OR10H5: variants seen among roughly 807,000 people sequenced by gnomAD.
OR10H5 encodes olfactory receptor 10H5.
OR10H5 carries 7 observed loss-of-function variants against 12.2 expected under a neutral mutation model. The observed-to-expected ratio is 0.57, with a 90% CI of 0.33 to 1.07. The LOEUF (loss-of-function observed/expected upper bound fraction) is 1.07, where lower values mean the gene tolerates loss of function less well. Among genes scored for constraint, OR10H5 ranks in the 50% least tolerant of loss-of-function variants. The probability of loss-of-function intolerance (pLI) is 0.04; values close to 1 mark genes in which losing one functional copy is unlikely to be tolerated. For missense variants in OR10H5, 346 were observed against 411.6 expected (o/e 0.84, Z 1.38); for synonymous variants, 159 against 175.1 (o/e 0.91, Z 0.73).
In OR10H5 at chr19:15,794,929, G is replaced by A. The variant is rs2088831896; in HGVS notation, c.881G>A (p.Arg294Lys). The part of the protein sequence containing the change: ...PFLSPIIFSL[R>K]NKELKVAMKK... ...CTCAGCCCCATCATCTTCAGCCTCA[G>A]GAACAAGGAGCTGAAGGTCGCCATG... is the stretch of plus-strand genomic sequence containing the variant. The change falls in exon 2 of 2, where the codon AGG becomes AAG. Residue 294 changes from arginine (R) to lysine (K), a missense_variant. Arg to Lys is a conservative substitution (Grantham distance 26, BLOSUM62 2). Coordinates refer to ENST00000642092, the MANE Select transcript of OR10H5 (RefSeq NM_001004466.2). 1 of 1,614,052 alleles carries A rather than the reference G, an allele frequency of 6.2e-7. No homozygotes were observed. The highest frequency in any genetic ancestry group is 1.7e-5 in the Admixed American group (1 of 60,000).
At position 15,795,224 on chromosome 19, in the gene OR10H5, C is replaced by A; in HGVS notation, c.*228C>A. The A allele has an allele frequency of 3.6e-6, 2 of 556,780 alleles. No homozygotes were observed. Among genetic ancestry groups the A allele is most frequent in the African/African-American group, 3.9e-5 (2 of 51,216 alleles). The allele number at this position is 556,780 out of a possible 1,614,324, so 34.5% of individuals were successfully genotyped here. On this transcript the variant is annotated 3_prime_UTR_variant, in exon 2 of 2. Coordinates refer to ENST00000642092, the MANE Select transcript of OR10H5 (RefSeq NM_001004466.2). Reference sequence around the variant, plus strand: ...TTCCTCCCTCCCTCCCTCCCCCTTCCTTCTTCTCTGCCTACTTCCCTCTTT... The same window carrying A: ...TTCCTCCCTCCCTCCCTCCCCCTTCATTCTTCTCTGCCTACTTCCCTCTTT...
Position 15,795,008 on chromosome 19 carries a change from T to G in OR10H5, c.*12T>G. On this transcript the variant is annotated 3_prime_UTR_variant, in exon 2 of 2. Transcript: ENST00000642092. ...CACAGAACTGCTGAAATGGCTGACTTTCTCTCAAGAGATGTAGCGAATGGG... is the reference window on the plus strand; with the variant it reads ...CACAGAACTGCTGAAATGGCTGACTGTCTCTCAAGAGATGTAGCGAATGGG... 1 of 1,611,362 alleles carries G rather than the reference T, an allele frequency of 6.2e-7. No homozygotes were observed. The highest frequency in any genetic ancestry group is 8.5e-7 in the Non-Finnish European group (1 of 1,178,394).
chr19:15,795,125 C>G lies in OR10H5; in HGVS notation c.*129C>G. On this transcript the variant is annotated 3_prime_UTR_variant, in exon 2 of 2. Transcript: ENST00000642092. ...TTCCTTCCTTCTTTCCTTCCTCCCT[C>G]CCTCCTTTCCTCCCTCCTTCTCTGA... 2.5e-6 allele frequency: 2 copies of G among 792,838 alleles called. No homozygotes were observed. The highest frequency in any genetic ancestry group is 1.8e-5 in the South Asian group (1 of 54,348). 49.1% of individuals were successfully genotyped at this position (792,838 alleles called of 1,614,324 possible).
chr19:15,789,413 G>A (rs1389253249), intron 1 of OR10H5, among the ~76,000 whole-genome samples: 1 of 152,232 alleles, frequency 6.6e-6, no homozygotes, highest in Non-Finnish European at 1.5e-5. Flanking sequence ...TGTCTCCTTT[G>A]AGGAGAGAGG....
chr19:15,789,733 A>G (rs2088800257), intron 1 of OR10H5, among the ~76,000 whole-genome samples: 1 of 151,016 alleles, frequency 6.6e-6, no homozygotes, highest in African/African-American at 2.4e-5. Flanking sequence ...AATGTGCCAG[A>G]GAGCTGAGAG....
intron 1 of OR10H5, among the ~76,000 whole-genome samples, chr19:15,790,759 G>C (rs2088806144): frequency 6.6e-6 from 1 of 152,136 alleles, no homozygotes; most frequent in Non-Finnish European, 1.5e-5. Context: ...CTACTTTTCT[G>C]TGTGGAATGA....
chr19:15,793,572 T>C (rs1053154790), intron 1 of OR10H5, among the ~76,000 whole-genome samples: 1 of 151,978 alleles, frequency 6.6e-6, no homozygotes, highest in African/African-American at 2.4e-5. Context: ...AGGCTAAACT[T>C]CAGCACATTA....
In OR10H5 at chr19:15,797,800, C is replaced by A. The variant is rs1031617069; in HGVS notation, c.*2804C>A. On this transcript the variant is annotated 3_prime_UTR_variant, in exon 2 of 2. Coordinates refer to ENST00000642092, the MANE Select transcript of OR10H5 (RefSeq NM_001004466.2). ...TGGTGGCTCACTCCTGTAATCCCAGCACTTTGGGAAGCCGAGGCAGGTGGA... is the reference window on the plus strand; with the variant it reads ...TGGTGGCTCACTCCTGTAATCCCAGAACTTTGGGAAGCCGAGGCAGGTGGA... 7.2e-5 allele frequency: 11 copies of A among 151,964 alleles called. No homozygotes were observed. The highest frequency in any genetic ancestry group is 2.7e-4 in the African/African-American group (11 of 41,362). 9.4% of individuals were successfully genotyped at this position (151,964 alleles called of 1,614,324 possible).
intron 1 of OR10H5, among the ~76,000 whole-genome samples, chr19:15,792,120 G>C (rs2088812339): frequency 1.3e-5 from 2 of 152,056 alleles, no homozygotes; most frequent in Admixed American, 6.6e-5. Flanking sequence ...GATCTTACTG[G>C]AATTTTGCCA....
chr19:15,799,203 C>CT lies in OR10H5; in HGVS notation c.*4208dup, dbSNP rs547262823. ...TCATCCCCAAATTCATTCTTTGACC[C>CT]TATAGCCCAATGGGCTCCCTGCTGT... On this transcript the variant is annotated 3_prime_UTR_variant, in exon 2 of 2. Coordinates refer to ENST00000642092, the MANE Select transcript of OR10H5 (RefSeq NM_001004466.2). 276 of 152,370 alleles carry CT rather than the reference C, an allele frequency of 1.8e-3. 5 individuals are homozygous for CT. Among genetic ancestry groups the CT allele is most frequent in the African/African-American group, 6.0e-3 (249 of 41,574 alleles). 9.4% of individuals were successfully genotyped at this position (152,370 alleles called of 1,614,324 possible).
intron 1 of OR10H5, among the ~76,000 whole-genome samples, chr19:15,792,985 G>A (rs1428200294): frequency 6.6e-6 from 1 of 152,094 alleles, no homozygotes. Context: ...AGAGACCACC[G>A]AGATTTAAAA....
chr19:15,788,654 C>T (rs1221627588), intron 1 of OR10H5, among the ~76,000 whole-genome samples: 1 of 152,054 alleles, frequency 6.6e-6, no homozygotes, highest in East Asian at 1.9e-4. Flanking sequence ...CACAGCACCA[C>T]GCCCAGCTAA....
In OR10H5 at chr19:15,794,587, A is replaced by C. The variant is rs1290352829; in HGVS notation, c.539A>C (p.His180Pro). The change falls in exon 2 of 2, where the codon CAC (histidine) becomes CCC (proline). Residue 180 changes from histidine (H) to proline (P), a missense_variant. His to Pro is a moderately conservative substitution (Grantham distance 77). Transcript: ENST00000642092. ...AAGGAGATCCACCATTTCTTCTGCC[A>C]CGTGCCACCTCTGTTGAAGTTGGCC... ...GHKEIHHFFC[H>P]VPPLLKLACG... 6 of 1,614,186 alleles carry C rather than the reference A, an allele frequency of 3.7e-6. No homozygotes were observed. The highest frequency in any genetic ancestry group is 3.4e-6 in the Non-Finnish European group (4 of 1,180,034).
In OR10H5 at chr19:15,796,789, C is replaced by CA. The variant is rs113126557; in HGVS notation, c.*1805dup. 784 of 118,936 alleles carry CA rather than the reference C, an allele frequency of 6.6e-3. 2 individuals are homozygous for CA. The highest frequency in any genetic ancestry group is 0.015 in the African/African-American group (480 of 32,464). The allele number at this position is 118,936 out of a possible 1,614,324, so 7.4% of individuals were successfully genotyped here. ...AAATTAAATTAAATTAAACGCTTTGCAAAAAAAAAAAACTACCCATTAAAT... is the reference window on the plus strand; with the variant it reads ...AAATTAAATTAAATTAAACGCTTTGCAAAAAAAAAAAAACTACCCATTAAAT... On this transcript the variant is annotated 3_prime_UTR_variant, in exon 2 of 2. Transcript: ENST00000642092.
In OR10H5 at chr19:15,795,945, G is replaced by C. The variant is rs1264362647; in HGVS notation, c.*949G>C. ...TGCATGCCACCACAAGGGTAACTTT[G>C]TATTTTTTGTAGCGACAGGATCTCA... On this transcript the variant is annotated 3_prime_UTR_variant, in exon 2 of 2. Coordinates refer to ENST00000642092, the MANE Select transcript of OR10H5 (RefSeq NM_001004466.2). The C allele has an allele frequency of 1.3e-5, 2 of 152,092 alleles. No individual in the cohort carries two copies. Among genetic ancestry groups the C allele is most frequent in the Non-Finnish European group, 2.9e-5 (2 of 68,040 alleles). The allele number at this position is 152,092 out of a possible 1,614,324, so 9.4% of individuals were successfully genotyped here.
rs1219395746 is a variant in OR10H5, at chr19:15,799,736, T to C, written c.*4740T>C. The C allele has an allele frequency of 6.7e-6, 1 of 149,704 alleles. No individual in the cohort carries two copies. Among genetic ancestry groups the C allele is most frequent in the East Asian group, 2.0e-4 (1 of 5,112 alleles). The allele number at this position is 149,704 out of a possible 1,614,324, so 9.3% of individuals were successfully genotyped here. On this transcript the variant is annotated 3_prime_UTR_variant, in exon 2 of 2. Transcript: ENST00000642092. ...GAGAGAGAGAGAGAGAGAAATAAGA[T>C]CTCACTCTGTCACCCATGCTGGAGT...
chr19:15,789,764 T>C (rs2088800528), intron 1 of OR10H5, among the ~76,000 whole-genome samples: 1 of 140,494 alleles, frequency 7.1e-6, no homozygotes, highest in Non-Finnish European at 1.5e-5. Flanking sequence ...GTATTTCTCT[T>C]TTCTTTTTTT....
Position 15,794,813 on chromosome 19 carries a change from T to C in OR10H5, c.765T>C (p.Phe255=). 6.2e-7 allele frequency: 1 copy of C among 1,614,188 alleles called. No homozygotes were observed. The highest frequency in any genetic ancestry group is 8.5e-7 in the Non-Finnish European group (1 of 1,180,032). The change falls in exon 2 of 2, where the codon TTT becomes TTC. Residue 255 remains phenylalanine, a synonymous_variant. Coordinates refer to ENST00000642092, the MANE Select transcript of OR10H5 (RefSeq NM_001004466.2). The part of the protein sequence containing the change: ...HLTVVVVHYG[F]ASVIYLKPKG... The stretch of plus-strand genomic sequence containing the variant: ...CTGTGGTGGTCGTGCACTATGGCTT[T>C]GCCTCCGTCATTTACCTGAAGCCCA...
chr19:15,792,444 G>A (rs965411809), intron 1 of OR10H5, among the ~76,000 whole-genome samples: 1 of 151,918 alleles, frequency 6.6e-6, no homozygotes, highest in Non-Finnish European at 1.5e-5. Context: ...CATCCATGCC[G>A]GCCCTCAATC....
Sources: gnomAD v4.1 joint callset for allele counts (sites outside exome capture counted in the v4.1 genomes callset) on GRCh38, gnomAD v4.1.1 for gene constraint, MANE v1.5 for transcripts, NCBI Gene and HGNC (gene_info 2026-07-23, HGNC 2026-07-21) for gene names.